Variants in ROBO2 observed in about 807,000 individuals in gnomAD.
ROBO2 encodes roundabout guidance receptor 2, also known as roundabout homolog 2.
In ROBO2, 53 loss-of-function variants were observed where a neutral mutation model predicts 160.8. The observed-to-expected ratio is 0.33, with a 90% CI of 0.26 to 0.41. The LOEUF (loss-of-function observed/expected upper bound fraction) is 0.41. Among genes scored for constraint, ROBO2 ranks in the 10% least tolerant of loss-of-function variants. The probability of loss-of-function intolerance (pLI) is 1.00; values close to 1 mark genes in which losing one functional copy is unlikely to be tolerated. For missense variants in ROBO2, 1,577 were observed against 1,722.4 expected, an observed-to-expected ratio of 0.92 and a Z score of 1.49; for synonymous variants, 664 against 611.7, an observed-to-expected ratio of 1.09 and a Z score of -1.26.
intron 2 of ROBO2, among the ~76,000 whole-genome samples, chr3:77,156,859 A>C (rs906879230): frequency 3.3e-5 from 5 of 151,752 alleles, no homozygotes; most frequent in Non-Finnish European, 5.9e-5. Context: ...AAGAATTTGA[A>C]TAGAGTTCTT....
chr3:77,622,817 T>C (rs1334250599), intron 23 of ROBO2, among the ~76,000 whole-genome samples: 2 of 152,216 alleles, frequency 1.3e-5, no homozygotes, highest in Non-Finnish European at 2.9e-5. Flanking sequence ...TTCTTGATAT[T>C]TCACTCTGTA....
intron 2 of ROBO2, among the ~76,000 whole-genome samples, chr3:76,173,132 C>G (rs1559612061): frequency 7.3e-6 from 1 of 137,680 alleles, no homozygotes; most frequent in African/African-American, 3.1e-5. Context: ...AGCTTTATGA[C>G]TTTGGACAAG....
chr3:77,390,102 C>T (rs953703287), intron 2 of ROBO2, among the ~76,000 whole-genome samples: 2 of 152,120 alleles, frequency 1.3e-5, no homozygotes, highest in Admixed American at 1.3e-4. Flanking sequence ...GAAGTGGGAT[C>T]AATGAGATGA....
chr3:77,634,502 T>C (rs1025222200), intron 23 of ROBO2: 5 of 263,438 alleles, frequency 1.9e-5, no homozygotes, highest in African/African-American at 1.1e-4. Context: ...AAATAGCTTC[T>C]TTAATTTTAA....
intron 2 of ROBO2, among the ~76,000 whole-genome samples, chr3:76,928,267 G>A (rs2077108995): frequency 1.3e-5 from 2 of 152,026 alleles, no homozygotes; most frequent in Admixed American, 6.6e-5. Context: ...ACCAGCAAGG[G>A]AACAAATTCC....
Position 77,375,899 on chromosome 3 carries a change from G to A in ROBO2, c.389-101515G>A, listed in dbSNP as rs1429015256. Among the ~76,000 whole-genome samples the A allele has an allele frequency of 2.0e-5, 3 of 149,390 alleles. No individual in the cohort carries two copies. The East Asian group carries it at 5.8e-4, about 29-fold the overall frequency. ...AGTAGTTAAGAGTGAAATTACCGAT[G>A]ATTTCAGTACTGCATTTTAGCCAGA... On this transcript the variant is annotated intron_variant, in intron 2 of 25. Transcript: ENST00000461745.
chr3:77,609,791 C>CATATATATATATATATATATATATAT (rs34908269), intron 21 of ROBO2, among the ~76,000 whole-genome samples: 2 of 143,698 alleles, frequency 1.4e-5, no homozygotes, highest in African/African-American at 5.1e-5. Flanking sequence ...TTTATATATA[C>CATATATATATATATATATATATATAT]ATATATATAT....
At chr3:76,932,766 G>A (rs893792926) in intron 2 of ROBO2, among the ~76,000 whole-genome samples, 2 of 152,096 alleles carry the variant, frequency 1.3e-5, no homozygotes, top group Non-Finnish European at 2.9e-5. Flanking sequence ...CCTTTCACAT[G>A]TTCACTACCA....
intron 4 of ROBO2, 90 bp downstream of exon 4, chr3:77,481,309 A>T: frequency 3.7e-6 from 4 of 1,083,224 alleles, no homozygotes; most frequent in Non-Finnish European, 3.7e-6. Context: ...GGGCCATATA[A>T]GGACAGTTAC....
In ROBO2 at chr3:76,035,019, T is replaced by C. The variant is rs75898033; in HGVS notation, c.109+97417T>C. Among the ~76,000 whole-genome samples, 366 of 152,174 alleles carry C rather than the reference T, an allele frequency of 2.4e-3. 7 individuals are homozygous for C. The East Asian group carries it at 0.036, about 15-fold the overall frequency. Reference sequence around the variant, plus strand: ...TCTTTAACCTTCGCTCAATACTGTATCTGATGTGAATCTTCTTTATAATCG... The same window carrying C: ...TCTTTAACCTTCGCTCAATACTGTACCTGATGTGAATCTTCTTTATAATCG... On this transcript the variant is annotated intron_variant, in intron 2 of 26. Transcript: ENST00000487694.
At chr3:77,244,666 T>G (rs1299873960) in intron 2 of ROBO2, among the ~76,000 whole-genome samples, 1 of 151,914 alleles carries the variant, frequency 6.6e-6, no homozygotes, top group Non-Finnish European at 1.5e-5. Flanking sequence ...GATCACAAGG[T>G]CAGGAGATCG....
At chr3:76,121,470 T>G (rs1262128310) in intron 2 of ROBO2, among the ~76,000 whole-genome samples, 1 of 152,272 alleles carries the variant, frequency 6.6e-6, no homozygotes, top group East Asian at 1.9e-4. Flanking sequence ...ATTAAGCAGA[T>G]GTACAGCTAT....
At chr3:76,257,296 A>ATGTGTGTG (rs199824539) in intron 2 of ROBO2, among the ~76,000 whole-genome samples, 1 of 151,386 alleles carries the variant, frequency 6.6e-6, no homozygotes, top group Admixed American at 6.6e-5. Flanking sequence ...ACACGTGCAT[A>ATGTGTGTG]TGTGTGTGTG....
chr3:76,735,814 C>CTCCCTATAG (rs1354716916), intron 2 of ROBO2, among the ~76,000 whole-genome samples: 1 of 140,078 alleles, frequency 7.1e-6, no homozygotes, highest in Non-Finnish European at 1.6e-5. Flanking sequence ...AAAAGAAAAA[C>CTCCCTATAG]TCCCTATAGT....
At chr3:75,994,721 A>G (rs2065675509) in intron 2 of ROBO2, among the ~76,000 whole-genome samples, 1 of 152,246 alleles carries the variant, frequency 6.6e-6, no homozygotes, top group South Asian at 2.1e-4. Context: ...GGATACCTGA[A>G]AATGTGGAAG....
intron 2 of ROBO2, among the ~76,000 whole-genome samples, chr3:76,003,380 A>G (rs672051): frequency 0.71 from 108,596 of 152,106 alleles, 41,593 homozygotes; most frequent in South Asian, 0.89. Flanking sequence ...CAGGGCCCCA[A>G]TGTTTTTTAA....
intron 2 of ROBO2, among the ~76,000 whole-genome samples, chr3:76,131,983 C>G (rs1291246514): frequency 6.6e-6 from 1 of 151,984 alleles, no homozygotes; most frequent in Non-Finnish European, 1.5e-5. Context: ...GAAATAATAG[C>G]AGTTATGACA....
intron 2 of ROBO2, among the ~76,000 whole-genome samples, chr3:76,736,707 C>A (rs764505077): frequency 1.1e-4 from 16 of 152,154 alleles, no homozygotes; most frequent in Non-Finnish European, 2.4e-4. Context: ...GAGGACATTA[C>A]CCATTAGCTT....
intron 5 of ROBO2, among the ~76,000 whole-genome samples, chr3:77,511,515 C>T (rs754372721): frequency 3.3e-5 from 5 of 151,956 alleles, no homozygotes; most frequent in Non-Finnish European, 4.4e-5. Context: ...TGTCCTGTTG[C>T]GGTGAACATC....
Sources: allele counts gnomAD v4.1 joint callset (sites outside exome capture counted in the v4.1 genomes callset), GRCh38; gene constraint gnomAD v4.1.1; transcripts MANE v1.5; gene names NCBI Gene and HGNC (gene_info 2026-07-23, HGNC 2026-07-21).